CNPPD1: variants seen among roughly 807,000 people sequenced by gnomAD.
CNPPD1 encodes cyclin Pas1/PHO80 domain containing 1.
In CNPPD1, 40 loss-of-function variants were observed where a neutral mutation model predicts 43.7. That is an observed-to-expected ratio of 0.92 (90% CI 0.71 to 1.19). CNPPD1 has a LOEUF of 1.19. CNPPD1 is among the 50% of genes most tolerant of loss of function. The probability of loss-of-function intolerance (pLI) is 0.00; values close to 1 mark genes in which losing one functional copy is unlikely to be tolerated. For synonymous variants in CNPPD1, 208 were observed against 214.3 expected, an observed-to-expected ratio of 0.97 and a Z score of 0.26; for missense variants, 511 against 518.5, an observed-to-expected ratio of 0.99 and a Z score of 0.14.
chr2:219,174,934 A>C, intron 4 of CNPPD1, 28 bp from the exon 5 acceptor site: 1 of 1,614,190 alleles, frequency 6.2e-7, no homozygotes, highest in Non-Finnish European at 8.5e-7. Flanking sequence ...GTGGTGGAGC[A>C]GAGCTCATAG....
rs573996099 is a variant in CNPPD1, at chr2:219,175,482, G to A, written c.260+109C>T. 100 of 1,062,318 alleles carry A rather than the reference G, an allele frequency of 9.4e-5. No homozygotes were observed. The South Asian group carries it at 1.4e-3, about 15-fold the overall frequency. The allele number at this position is 1,062,318 out of a possible 1,614,324, so 65.8% of individuals were successfully genotyped here. A position where few individuals can be genotyped will look rare whatever the true frequency, so the allele number is the denominator to read the frequency against. On this transcript the variant is annotated intron_variant, in intron 3 of 7. Transcript: ENST00000360507. The stretch of plus-strand genomic sequence containing the variant: ...ACTGCACTCCAGCCTGGGTGACAAA[G>A]TGAGACTGTCTCAAAAAAAAAAAAA...
Position 219,176,843 on chromosome 2 carries a change from C to G in CNPPD1, c.-15G>C. 1 of 1,563,804 alleles carries G rather than the reference C, an allele frequency of 6.4e-7. No homozygotes were observed. Among genetic ancestry groups the G allele is most frequent in the South Asian group, 1.2e-5 (1 of 85,216 alleles). On this transcript the variant is annotated 5_prime_UTR_variant, in exon 1 of 8. Coordinates refer to ENST00000360507, the MANE Select transcript of CNPPD1 (RefSeq NM_015680.6). ...GTCAGGTCCATCGCGCCGCCAGTCG[C>G]CGCCCTGCGAAGGTGAACGGAAGGA...
Position 219,174,845 on chromosome 2 carries a change from C to A in CNPPD1, c.443G>T (p.Trp148Leu). ...CACGGCCACACCCCCAGCAGCTCCCCATTCGTCGTTGAAGACCTCCTCCTC... is the reference window on the plus strand; with the variant it reads ...CACGGCCACACCCCCAGCAGCTCCCAATTCGTCGTTGAAGACCTCCTCCTC... ...GEEEEVFNDE[W>L]GAAGGVAVPT... The change falls in exon 5 of 8, where the codon TGG becomes TTG. Residue 148 changes from tryptophan (W) to leucine (L), a missense_variant. Physicochemically the swap from Trp to Leu is moderately conservative, Grantham distance 61. Coordinates refer to ENST00000360507, the MANE Select transcript of CNPPD1 (RefSeq NM_015680.6). 1 of 1,614,184 alleles carries A rather than the reference C, an allele frequency of 6.2e-7. No individual in the cohort carries two copies. Among genetic ancestry groups the A allele is most frequent in the Non-Finnish European group, 8.5e-7 (1 of 1,180,028 alleles).
At chr2:219,176,409 G>C (rs1436435321) in intron 1 of CNPPD1, 78 bp from the exon 2 acceptor site, 3 of 1,148,016 alleles carry the variant, frequency 2.6e-6, no homozygotes, top group South Asian at 2.6e-5. Context: ...GCTGGAAGGC[G>C]GGGCAGGGGA....
At chr2:219,174,276 T>A (rs1048706160) in intron 5 of CNPPD1, 69 bp from the exon 6 acceptor site, 5 of 1,465,102 alleles carry the variant, frequency 3.4e-6, no homozygotes, top group Non-Finnish European at 4.8e-6. Context: ...ATAAGAGCCA[T>A]AGCAGCAACT....
At position 219,172,746 on chromosome 2, in the gene CNPPD1, G is replaced by A. The variant is rs1316876550; in HGVS notation, c.1073C>T (p.Thr358Ile). 6.2e-7 allele frequency: 1 copy of A among 1,612,086 alleles called. No individual in the cohort carries two copies. Among genetic ancestry groups the A allele is most frequent in the Non-Finnish European group, 8.5e-7 (1 of 1,178,946 alleles). ...TCHACLHPNR[T>I]VPTALSSPWY... The stretch of plus-strand genomic sequence containing the variant: ...GGGGCTGGACAGCGCAGTGGGGACT[G>A]TACGGTTGGGGTGGAGGCAGGCATG... The change falls in exon 8 of 8, where the codon ACA (threonine) becomes ATA (isoleucine). Residue 358 changes from threonine to isoleucine, a missense_variant. Transcript: ENST00000360507.
chr2:219,177,808 T>C (rs1950201606), upstream of CNPPD1: 1 of 152,234 alleles, frequency 6.6e-6, no homozygotes, highest in Admixed American at 6.5e-5. Flanking sequence ...TGAGTAGATG[T>C]TGTTTTCGAG....
Position 219,176,212 on chromosome 2 carries a change from C to A in CNPPD1, c.178+11G>T. On this transcript the variant is annotated intron_variant, in intron 2 of 7. Transcript: ENST00000360507. Reference sequence around the variant, plus strand: ...GCTTCTCACTTGTCCAGTCACACAACACTGCCTAACCTGCCACCGGGCTGG... The same window carrying A: ...GCTTCTCACTTGTCCAGTCACACAAAACTGCCTAACCTGCCACCGGGCTGG... The A allele has an allele frequency of 6.3e-7, 1 of 1,597,072 alleles. No individual in the cohort carries two copies. The highest frequency in any genetic ancestry group is 8.6e-7 in the Non-Finnish European group (1 of 1,164,518).
rs938366374 is a variant in CNPPD1, at chr2:219,175,066, C to T, written c.303G>A (p.Val101=). The change falls in exon 4 of 8, where the codon GTG becomes GTA. Residue 101 remains valine (V), a synonymous_variant. Transcript: ENST00000360507. ...TTCGGTGCCGGAGCCGTTCAATGTACACCAGAGCCAGCATCATAGCACATG... is the reference window on the plus strand; with the variant it reads ...TTCGGTGCCGGAGCCGTTCAATGTATACCAGAGCCAGCATCATAGCACATG... ...ISPCAMMLAL[V]YIERLRHRNP... The T allele has an allele frequency of 6.2e-7, 1 of 1,612,332 alleles. No homozygotes were observed. Among genetic ancestry groups the T allele is most frequent in the African/African-American group, 1.3e-5 (1 of 74,878 alleles).
At position 219,172,600 on chromosome 2, in the gene CNPPD1, CG is replaced by C. The variant is rs769111278; in HGVS notation, c.1218del (p.Phe406LeufsTer7). 19 of 1,614,116 alleles carry C rather than the reference CG, an allele frequency of 1.2e-5. No individual in the cohort carries two copies. The Admixed American group carries it at 2.2e-4, about 18-fold the overall frequency. On this transcript the variant is annotated frameshift_variant, in exon 8 of 8. Coordinates refer to ENST00000360507, the MANE Select transcript of CNPPD1 (RefSeq NM_015680.6). LOFTEE classifies it high-confidence loss of function. ...CACAGCCCTACCTAGCCTGGGAAAA[CG>C]AAAGACTTGAGGCGAGCCAGCTCCA... ...SVMELARLKS[F>X]VFPG
intron 2 of CNPPD1, 44 bp from the exon 3 acceptor site, chr2:219,175,716 A>G: frequency 6.6e-7 from 1 of 1,505,900 alleles, no homozygotes; most frequent in Non-Finnish European, 9.2e-7. Flanking sequence ...ACAAGCACCC[A>G]CACCCAACAC....
chr2:219,175,533 C>T (rs199684267), intron 3 of CNPPD1, 58 bp downstream of exon 3: 39 of 1,357,226 alleles, frequency 2.9e-5, no homozygotes, highest in East Asian at 2.3e-4. Context: ...AAAGAAAAGA[C>T]GATTCCCCTT....
chr2:219,174,811 G>C lies in CNPPD1; in HGVS notation c.477C>G (p.Leu159=). The C allele has an allele frequency of 1.2e-6, 2 of 1,612,002 alleles. No individual in the cohort carries two copies. The highest frequency in any genetic ancestry group is 1.7e-6 in the Non-Finnish European group (2 of 1,178,590). ...GAAGGVAVPT[L]NALERGFLSA... The stretch of plus-strand genomic sequence containing the variant: ...TCAGGAAGCCCCTCTCCAAGGCATT[G>C]AGAGTGGGCACGGCCACACCCCCAG... The change falls in exon 5 of 8, where the codon CTC becomes CTG. Residue 159 remains leucine (L), a synonymous_variant. Coordinates refer to ENST00000360507, the MANE Select transcript of CNPPD1 (RefSeq NM_015680.6).
In CNPPD1 at chr2:219,176,758, A is replaced by G; in HGVS notation, c.69+2T>C. ...CGGGGAGGGGGCGGGACCCCCACTC[A>G]CCGTGAAGTCCTGGAAGCCGGCGAG... is the stretch of plus-strand genomic sequence containing the variant. On this transcript the variant is annotated splice_donor_variant, in intron 1 of 7. Transcript: ENST00000360507. LOFTEE classifies it high-confidence loss of function. The G allele has an allele frequency of 1.3e-6, 2 of 1,572,784 alleles. No homozygotes were observed. The highest frequency in any genetic ancestry group is 4.7e-5 in the East Asian group (2 of 42,566).
chr2:219,174,793 G>A lies in CNPPD1; in HGVS notation c.495C>T (p.Gly165=), dbSNP rs768634077. The A allele has an allele frequency of 2.5e-5, 40 of 1,604,134 alleles. No homozygotes were observed. The highest frequency in any genetic ancestry group is 3.4e-5 in the Non-Finnish European group (40 of 1,173,658). Residue 165 remains glycine, a synonymous_variant, in exon 5 of 8, where the codon GGC becomes GGT. Transcript: ENST00000360507. ...AGCTGCTCACCATGGCACTCAGGAA[G>A]CCCCTCTCCAAGGCATTGAGAGTGG... The part of the protein sequence containing the change: ...AVPTLNALER[G]FLSAMDWHLY...
Position 219,175,025 on chromosome 2 carries a change from T to C in CNPPD1, c.344A>G (p.Gln115Arg), listed in dbSNP as rs1204829650. ...RLRHRNPDYL[Q>R]HVSSSDLFLI... ...GAACAAGTCAGAGGATGACACATGC[T>C]GCAAGTAGTCTGGGTTTCGGTGCCG... Residue 115 changes from glutamine (Q) to arginine (R), a missense_variant, in exon 4 of 8, where the codon CAG becomes CGG. Physicochemically the swap from Gln to Arg is conservative, Grantham distance 43. Transcript: ENST00000360507. The C allele has an allele frequency of 6.2e-7, 1 of 1,613,798 alleles. No homozygotes were observed. Among genetic ancestry groups the C allele is most frequent in the Non-Finnish European group, 8.5e-7 (1 of 1,179,994 alleles).
In CNPPD1 at chr2:219,176,755, C is replaced by T. The variant is rs1363177488; in HGVS notation, c.69+5G>A. ...GGCCGGGGAGGGGGCGGGACCCCCA[C>T]TCACCGTGAAGTCCTGGAAGCCGGC... is the stretch of plus-strand genomic sequence containing the variant. On this transcript the variant is annotated splice_donor_5th_base_variant and intron_variant, in intron 1 of 7. Coordinates refer to ENST00000360507, the MANE Select transcript of CNPPD1 (RefSeq NM_015680.6). 3 of 1,570,754 alleles carry T rather than the reference C, an allele frequency of 1.9e-6. No individual in the cohort carries two copies. Among genetic ancestry groups the T allele is most frequent in the East Asian group, 2.4e-5 (1 of 42,412 alleles).
At chr2:219,174,508 A>G (rs531767532) in intron 5 of CNPPD1, among the ~76,000 whole-genome samples, 5 of 152,328 alleles carry the variant, frequency 3.3e-5, no homozygotes, top group Admixed American at 2.6e-4. Flanking sequence ...TCAGAACCCA[A>G]TAGGATAAAC....
intron 2 of CNPPD1, 115 bp from the exon 3 acceptor site, chr2:219,175,787 A>G: frequency 1.2e-6 from 1 of 827,282 alleles, no homozygotes; most frequent in South Asian, 1.5e-5. Flanking sequence ...TGGGGACAGG[A>G]CCATAGTAAC....
Sources: gnomAD v4.1 joint callset for allele counts (sites outside exome capture counted in the v4.1 genomes callset) on GRCh38, gnomAD v4.1.1 for gene constraint, MANE v1.5 for transcripts, NCBI Gene and HGNC (gene_info 2026-07-23, HGNC 2026-07-21) for gene names.